The following ARHGEF28 variants were observed in gnomAD, a reference collection of about 807,000 sequenced individuals.
The protein encoded by ARHGEF28 is Rho guanine nucleotide exchange factor 28.
In ARHGEF28, 152 loss-of-function variants were observed where a neutral mutation model predicts 206.6. The observed-to-expected ratio is 0.74, with a 90% confidence interval of 0.64 to 0.84. The LOEUF (loss-of-function observed/expected upper bound fraction) is 0.84, where lower values mean the gene tolerates loss of function less well. Among genes scored for constraint, ARHGEF28 ranks in the 40% least tolerant of loss-of-function variants. The pLI is 0.00. For missense variants in ARHGEF28, 2,028 were observed against 2,073.2 expected (o/e 0.98, Z 0.42); for synonymous variants, 763 against 776.4 (o/e 0.98, Z 0.29).
intron 22 of ARHGEF28, among the ~76,000 whole-genome samples, chr5:73,878,685 G>A (rs1005865391): frequency 4.0e-5 from 6 of 150,720 alleles, no homozygotes; most frequent in Admixed American, 2.0e-4. Context: ...CACTTATGAA[G>A]CTTAGTTTGG....
intron 4 of ARHGEF28, among the ~76,000 whole-genome samples, chr5:73,758,774 A>T (rs1752446546): frequency 6.6e-6 from 1 of 152,110 alleles, no homozygotes; most frequent in African/African-American, 2.4e-5. Flanking sequence ...TCTGGTCTCG[A>T]ACTCCTGACC....
intron 4 of ARHGEF28, among the ~76,000 whole-genome samples, chr5:73,757,272 G>A (rs970879078): frequency 6.9e-6 from 1 of 145,950 alleles, no homozygotes; most frequent in African/African-American, 2.7e-5. Context: ...CATCACAGGT[G>A]GAAAACAATT....
At position 73,867,063 on chromosome 5, in the gene ARHGEF28, T is replaced by G. The variant is rs1759751237; in HGVS notation, c.2153-813T>G. ...TTTGATGATGTCAGTTATAAGGGGC[T>G]TCTCATTTTCATAGGGTTAAATGTG... On this transcript the variant is annotated intron_variant, in intron 18 of 35. Transcript: ENST00000513042. 2.0e-5 allele frequency among the ~76,000 whole-genome samples: 3 copies of G among 152,224 alleles called. 1 individual carries two copies. The South Asian group carries it at 6.2e-4, about 31-fold the overall frequency.
At chr5:73,711,738 A>G (rs1271961911) in intron 2 of ARHGEF28, among the ~76,000 whole-genome samples, 1 of 152,020 alleles carries the variant, frequency 6.6e-6, no homozygotes, top group Non-Finnish European at 1.5e-5. Flanking sequence ...TACAGAGATG[A>G]TAATCTCTGT....
At chr5:73,714,283 G>A (rs1749434525) in intron 2 of ARHGEF28, among the ~76,000 whole-genome samples, 1 of 152,178 alleles carries the variant, frequency 6.6e-6, no homozygotes, top group Non-Finnish European at 1.5e-5. Flanking sequence ...TCAGTTTCTA[G>A]CTTTGAGTAT....
At chr5:73,909,220 G>T (rs1041178168) in intron 33 of ARHGEF28, 192 bp from the exon 34 acceptor site, 1 of 686,938 alleles carries the variant, frequency 1.5e-6, no homozygotes, top group Admixed American at 3.1e-5. Context: ...CCTACCCCTA[G>T]GACAGATGTA....
intron 23 of ARHGEF28, among the ~76,000 whole-genome samples, chr5:73,883,209 T>C (rs1436749486): frequency 1.3e-5 from 2 of 152,166 alleles, no homozygotes; most frequent in African/African-American, 4.8e-5. Flanking sequence ...ATTTGTCTTA[T>C]AAAGTTTCCT....
chr5:73,902,060 A>G (rs1177141353), intron 31 of ARHGEF28: 3 of 152,166 alleles, frequency 2.0e-5, no homozygotes, highest in South Asian at 2.1e-4. Context: ...ATATGTGTCA[A>G]TGTGAAAAAA....
intron 34 of ARHGEF28, among the ~76,000 whole-genome samples, chr5:73,910,687 C>G (rs1481053202): frequency 6.6e-6 from 1 of 152,152 alleles, no homozygotes. Flanking sequence ...TTCTGTTATG[C>G]TGAGCTTCTT....
chr5:73,675,592 G>T (rs911926045), intron 1 of ARHGEF28, among the ~76,000 whole-genome samples: 1 of 151,822 alleles, frequency 6.6e-6, no homozygotes, highest in Non-Finnish European at 1.5e-5. Flanking sequence ...AATTAGCTGG[G>T]CGTGGTGACG....
intron 13 of ARHGEF28, among the ~76,000 whole-genome samples, chr5:73,851,918 G>T (rs1177673206): frequency 6.6e-6 from 1 of 152,082 alleles, no homozygotes; most frequent in South Asian, 2.1e-4. Flanking sequence ...CCTCTTCACT[G>T]TTCTGGATTG....
At chr5:73,905,480 T>G (rs1046504973) in intron 33 of ARHGEF28, among the ~76,000 whole-genome samples, 1 of 152,144 alleles carries the variant, frequency 6.6e-6, no homozygotes. Flanking sequence ...GTTGAAAAAT[T>G]TGTAGAAAAA....
chr5:73,745,178 G>T (rs889431137), intron 2 of ARHGEF28, among the ~76,000 whole-genome samples: 2 of 151,972 alleles, frequency 1.3e-5, no homozygotes, highest in African/African-American at 2.4e-5. Flanking sequence ...TGTTATTAAC[G>T]AAGTGTAATT....
chr5:73,720,477 C>T (rs775554284), intron 2 of ARHGEF28, among the ~76,000 whole-genome samples: 1 of 152,048 alleles, frequency 6.6e-6, no homozygotes, highest in Non-Finnish European at 1.5e-5. Flanking sequence ...TCTAAGACCT[C>T]AGTGGAGGCT....
intron 20 of ARHGEF28, among the ~76,000 whole-genome samples, chr5:73,869,789 T>C (rs1759976079): frequency 6.6e-6 from 1 of 152,082 alleles, no homozygotes; most frequent in Non-Finnish European, 1.5e-5. Flanking sequence ...ATGCCTGTAA[T>C]TCTTGCTACT....
In ARHGEF28 at chr5:73,887,534, T is replaced by C. The variant is rs2112675995; in HGVS notation, c.3311-69T>C. On this transcript the variant is annotated intron_variant, in intron 25 of 35. Coordinates refer to ENST00000513042, the MANE Select transcript of ARHGEF28 (RefSeq NM_001177693.2). Reference sequence around the variant, plus strand: ...CATACTTAGACTAAATCTTAGTCTTTTGATTTTTATTCAGTTTATTTGAAC... The same window carrying C: ...CATACTTAGACTAAATCTTAGTCTTCTGATTTTTATTCAGTTTATTTGAAC... 5 of 1,232,314 alleles carry C rather than the reference T, an allele frequency of 4.1e-6. No homozygotes were observed. The South Asian group carries it at 5.9e-5, about 15-fold the overall frequency. 76.3% of individuals were successfully genotyped at this position (1,232,314 alleles called of 1,614,324 possible).
At chr5:73,766,167 CAAAA>C (rs1002019265) in intron 4 of ARHGEF28, among the ~76,000 whole-genome samples, 3 of 145,786 alleles carry the variant, frequency 2.1e-5, no homozygotes, top group Non-Finnish European at 3.0e-5. Flanking sequence ...AAAAAAAAAA[CAAAA>C]AACAAAAAAC....
At chr5:73,896,445 T>C (rs1761965029) in intron 29 of ARHGEF28, among the ~76,000 whole-genome samples, 1 of 152,082 alleles carries the variant, frequency 6.6e-6, no homozygotes, top group Non-Finnish European at 1.5e-5. Context: ...ATTCCAAATA[T>C]GATGGAAAGC....
chr5:73,639,952 T>C (rs1185765598), intron 1 of ARHGEF28, among the ~76,000 whole-genome samples: 1 of 152,244 alleles, frequency 6.6e-6, no homozygotes, highest in Non-Finnish European at 1.5e-5. Context: ...GTCAATACTG[T>C]AGTAAGTGTT....
Sources: gnomAD v4.1 joint callset for allele counts (sites outside exome capture counted in the v4.1 genomes callset) on GRCh38, gnomAD v4.1.1 for gene constraint, MANE v1.5 for transcripts, NCBI Gene and HGNC (gene_info 2026-07-23, HGNC 2026-07-21) for gene names.